The following TASP1 variants were observed in gnomAD, a reference collection of about 807,000 sequenced individuals.
The protein encoded by TASP1 is taspase 1, also known as threonine aspartase 1.
Under a neutral mutation model 56.6 loss-of-function variants are expected in TASP1, and 16 were observed. The observed-to-expected ratio is 0.28, with a 90% CI of 0.19 to 0.43. TASP1 has a LOEUF of 0.43. Ranked by LOEUF, TASP1 falls within the 20% of genes least tolerant of loss-of-function variation. The pLI is 1.00. For missense variants in TASP1, 393 were observed against 511.6 expected (o/e 0.77, Z 2.24); for synonymous variants, 179 against 184.2 (o/e 0.97, Z 0.23).
chr20:13,117,478 GT>G, the TASP1 span: 2 of 1,547,010 alleles, frequency 1.3e-6, no homozygotes, highest in East Asian at 4.5e-5. Context: ...GTATTTGTTA[GT>G]TATGAGCATT....
chr20:13,505,737 A>C lies in TASP1; in HGVS notation c.875-22400T>G, dbSNP rs536980791. On this transcript the variant is annotated intron_variant, in intron 10 of 13. Coordinates refer to ENST00000337743, the MANE Select transcript of TASP1 (RefSeq NM_017714.3). ...AACAAAAATGGAAACACAACATAAC[A>C]AAATGTATGTGTGCAGAAAAAGCAG... Among the ~76,000 whole-genome samples, 18 of 152,314 alleles carry C rather than the reference A, an allele frequency of 1.2e-4. No individual in the cohort carries two copies. The South Asian group carries it at 3.5e-3, about 30-fold the overall frequency.
At chr20:13,600,876 C>T (rs755092201) in intron 4 of TASP1, among the ~76,000 whole-genome samples, 9 of 152,120 alleles carry the variant, frequency 5.9e-5, no homozygotes, top group East Asian at 3.8e-4. Context: ...GATACTCCAA[C>T]GAGCACATCT....
chr20:13,374,349 ATTT>A, the TASP1 span, among the ~76,000 whole-genome samples: 18 of 142,284 alleles, frequency 1.3e-4, no homozygotes, highest in African/African-American at 3.6e-4. Flanking sequence ...CTGTCTCGTA[ATTT>A]TTTTTTTTTT....
At chr20:13,595,548 A>G (rs1000334466) in intron 4 of TASP1, among the ~76,000 whole-genome samples, 2 of 152,200 alleles carry the variant, frequency 1.3e-5, no homozygotes, top group African/African-American at 4.8e-5. Context: ...AAGCAAATGG[A>G]AAGCAAAAAA....
chr20:13,436,103 C>T (rs1228849788), intron 11 of TASP1, among the ~76,000 whole-genome samples: 1 of 152,080 alleles, frequency 6.6e-6, no homozygotes, highest in East Asian at 1.9e-4. Context: ...AAGCTGAAAC[C>T]TAAGTTTTCA....
chr20:13,432,453 ATTTAC>A (rs2042843826), intron 12 of TASP1, among the ~76,000 whole-genome samples: 1 of 152,136 alleles, frequency 6.6e-6, no homozygotes, highest in African/African-American at 2.4e-5. Context: ...TACTGTTTGA[ATTTAC>A]TTTGTTTCCT....
intron 4 of TASP1, among the ~76,000 whole-genome samples, chr20:13,615,670 A>AT (rs2048498993): frequency 6.6e-6 from 1 of 151,726 alleles, no homozygotes; most frequent in Non-Finnish European, 1.5e-5. Context: ...CACCCAGCTA[A>AT]TTTTTTGTAT....
the TASP1 span, among the ~76,000 whole-genome samples, chr20:13,364,450 ATGGCCCCATGGCCATGGCAGGAG>A: frequency 6.6e-6 from 1 of 152,220 alleles, no homozygotes; most frequent in East Asian, 1.9e-4. Context: ...TCAGAGATTA[ATGGCCCCATGGCCATGGCAGGAG>A]TGGCAGAGGC....
chr20:13,216,888 A>G, the TASP1 span, among the ~76,000 whole-genome samples: 1 of 152,182 alleles, frequency 6.6e-6, no homozygotes, highest in South Asian at 2.1e-4. Flanking sequence ...TATGGGCTAG[A>G]TCTGAAAGGG....
At chr20:13,407,943 T>A (rs367764999) in intron 13 of TASP1, among the ~76,000 whole-genome samples, 2 of 152,210 alleles carry the variant, frequency 1.3e-5, no homozygotes, top group East Asian at 3.9e-4. Context: ...GTTGTAAGAG[T>A]TCTATATATG....
chr20:13,319,077 T>C, the TASP1 span, among the ~76,000 whole-genome samples: 3 of 152,166 alleles, frequency 2.0e-5, no homozygotes, highest in Admixed American at 2.0e-4. Context: ...ATGACTCTAG[T>C]GGAAGATGTC....
the TASP1 span, among the ~76,000 whole-genome samples, chr20:13,301,005 G>A: frequency 6.6e-6 from 1 of 152,122 alleles, no homozygotes; most frequent in Non-Finnish European, 1.5e-5. Context: ...TCCTTTTCCC[G>A]ATGAGAAAAT....
chr20:13,171,734 A>C, the TASP1 span, among the ~76,000 whole-genome samples: 5 of 152,152 alleles, frequency 3.3e-5, 1 homozygote, highest in East Asian at 9.6e-4. Flanking sequence ...TAGAAATAGA[A>C]AGCCAGAGAT....
At chr20:13,519,621 T>G (rs1273629827) in intron 10 of TASP1, among the ~76,000 whole-genome samples, 1 of 152,092 alleles carries the variant, frequency 6.6e-6, no homozygotes, top group Non-Finnish European at 1.5e-5. Context: ...GGGAAGTATC[T>G]CAAAATAATA....
At chr20:13,179,726 T>C in the TASP1 span, among the ~76,000 whole-genome samples, 1 of 152,040 alleles carries the variant, frequency 6.6e-6, no homozygotes, top group Non-Finnish European at 1.5e-5. Flanking sequence ...AGGGTCAATA[T>C]CTGGATTTTA....
chr20:13,389,804 G>C lies in TASP1; in HGVS notation c.*556C>G, dbSNP rs2041207582. On this transcript the variant is annotated 3_prime_UTR_variant, in exon 14 of 14. Transcript: ENST00000337743. Reference sequence around the variant, plus strand: ...TGTTAAAGAAAAATGCCCCATATAAGGGATGAGAACAACAGTTTAAGTTAC... The same window carrying C: ...TGTTAAAGAAAAATGCCCCATATAACGGATGAGAACAACAGTTTAAGTTAC... 1 of 152,668 alleles carries C rather than the reference G, an allele frequency of 6.6e-6. No homozygotes were observed. The highest frequency in any genetic ancestry group is 1.5e-5 in the Non-Finnish European group (1 of 68,306). 9.5% of individuals were successfully genotyped at this position (152,668 alleles called of 1,614,324 possible).
intron 4 of TASP1, among the ~76,000 whole-genome samples, chr20:13,591,767 T>A (rs1404430165): frequency 6.6e-6 from 1 of 152,158 alleles, no homozygotes; most frequent in Non-Finnish European, 1.5e-5. Context: ...GTTTATAACA[T>A]ATACAGGTGC....
chr20:13,328,216 T>C, the TASP1 span, among the ~76,000 whole-genome samples: 1 of 152,152 alleles, frequency 6.6e-6, no homozygotes, highest in African/African-American at 2.4e-5. Flanking sequence ...AAGCTCAACA[T>C]CCCTGATCAT....
intron 11 of TASP1, among the ~76,000 whole-genome samples, chr20:13,466,078 A>G (rs890007155): frequency 6.6e-6 from 1 of 152,192 alleles, no homozygotes; most frequent in African/African-American, 2.4e-5. Context: ...GTGACATTCT[A>G]TTATAATTCT....
Sources: gnomAD v4.1 joint callset for allele counts (sites outside exome capture counted in the v4.1 genomes callset) on GRCh38, gnomAD v4.1.1 for gene constraint, MANE v1.5 for transcripts, NCBI Gene and HGNC (gene_info 2026-07-23, HGNC 2026-07-21) for gene names.